SUGCT: variants seen among roughly 807,000 people sequenced by gnomAD.
SUGCT encodes the protein succinyl-CoA:glutarate CoA-transferase.
Under a neutral mutation model 55.0 loss-of-function variants are expected in SUGCT, and 41 were observed. The observed-to-expected ratio is 0.74, with a 90% CI of 0.58 to 0.97. The LOEUF is 0.97. Among genes scored for constraint, SUGCT ranks in the 50% least tolerant of loss-of-function variants. The pLI, the probability that SUGCT is intolerant of heterozygous loss-of-function variation, is 0.00. For synonymous variants in SUGCT, 187 were observed against 200.4 expected (o/e 0.93, Z 0.56); for missense variants, 568 against 547.8 (o/e 1.04, Z -0.37).
intron 6 of SUGCT, among the ~76,000 whole-genome samples, chr7:40,230,632 G>C (rs1010757659): frequency 6.6e-6 from 1 of 152,146 alleles, no homozygotes; most frequent in African/African-American, 2.4e-5. Flanking sequence ...TAGAGTCCAG[G>C]ATGGCCCTTA....
intron 12 of SUGCT, among the ~76,000 whole-genome samples, chr7:40,569,009 G>A (rs1796295154): frequency 6.6e-6 from 1 of 152,154 alleles, no homozygotes; most frequent in Admixed American, 6.5e-5. Context: ...TTTAAGGATT[G>A]TTTCAAAGGT....
the SUGCT span, among the ~76,000 whole-genome samples, chr7:40,947,426 G>A: frequency 2.0e-5 from 3 of 150,464 alleles, no homozygotes; most frequent in Non-Finnish European, 3.0e-5. Flanking sequence ...TTTATAGTAA[G>A]TCCAGTGTCT....
chr7:40,542,872 G>T (rs1289469005), intron 12 of SUGCT, among the ~76,000 whole-genome samples: 1 of 152,104 alleles, frequency 6.6e-6, no homozygotes, highest in African/African-American at 2.4e-5. Context: ...GGGGGAAATG[G>T]CCATATCTAT....
At chr7:40,865,654 C>T (rs1794564870), downstream of SUGCT, among the ~76,000 whole-genome samples, 1 of 152,146 alleles carries the variant, frequency 6.6e-6, no homozygotes, top group Non-Finnish European at 1.5e-5. Flanking sequence ...AGAGGAAGTT[C>T]CATTAGGGCA....
chr7:40,595,080 T>G (rs758469616), intron 12 of SUGCT, among the ~76,000 whole-genome samples: 4 of 152,188 alleles, frequency 2.6e-5, no homozygotes, highest in Non-Finnish European at 5.9e-5. Flanking sequence ...TATTTAATAT[T>G]CTAAGTAAGA....
the SUGCT span, among the ~76,000 whole-genome samples, chr7:41,012,057 A>C: frequency 4.1e-4 from 62 of 152,260 alleles, no homozygotes; most frequent in African/African-American, 1.5e-3. Context: ...TGGAAGCCAA[A>C]TGGAGACAGT....
At chr7:40,802,119 A>G (rs544038040) in intron 13 of SUGCT, among the ~76,000 whole-genome samples, 1 of 152,350 alleles carries the variant, frequency 6.6e-6, no homozygotes, top group Non-Finnish European at 1.5e-5. Flanking sequence ...AAGAGGAAAC[A>G]GTGAAATTTT....
At chr7:40,953,230 C>T in the SUGCT span, among the ~76,000 whole-genome samples, 627 of 152,304 alleles carry the variant, frequency 4.1e-3, 2 homozygotes, top group African/African-American at 0.013. Context: ...ACCCTTTCTT[C>T]CAGTTGATCG....
chr7:40,556,359 C>T (rs2151650789), intron 12 of SUGCT, among the ~76,000 whole-genome samples: 1 of 151,076 alleles, frequency 6.6e-6, no homozygotes, highest in Middle Eastern at 3.4e-3. Context: ...TTGAGGTGGA[C>T]ACACTACAGC....
At chr7:40,328,269 T>C (rs1255680824) in intron 9 of SUGCT, among the ~76,000 whole-genome samples, 1 of 152,204 alleles carries the variant, frequency 6.6e-6, no homozygotes, top group African/African-American at 2.4e-5. Flanking sequence ...AATAAATCCT[T>C]TGGTCGCATA....
At chr7:40,708,121 C>T (rs1188319431) in intron 12 of SUGCT, among the ~76,000 whole-genome samples, 2 of 152,198 alleles carry the variant, frequency 1.3e-5, no homozygotes, top group South Asian at 2.1e-4. Flanking sequence ...CATGTCTCCA[C>T]AGCACCATTT....
chr7:40,792,504 G>A (rs1050095911), intron 13 of SUGCT, among the ~76,000 whole-genome samples: 8 of 152,068 alleles, frequency 5.3e-5, no homozygotes, highest in Admixed American at 2.0e-4. Context: ...TTCTGATTCC[G>A]TATTGACCAG....
chr7:40,895,670 A>T, the SUGCT span, among the ~76,000 whole-genome samples: 1 of 152,202 alleles, frequency 6.6e-6, no homozygotes, highest in Non-Finnish European at 1.5e-5. Flanking sequence ...ACCTCAACAC[A>T]TTAGACATAA....
intron 9 of SUGCT, among the ~76,000 whole-genome samples, chr7:40,395,264 G>A (rs941082162): frequency 1.3e-5 from 2 of 151,932 alleles, no homozygotes; most frequent in African/African-American, 4.8e-5. Flanking sequence ...TGAGGCAGGC[G>A]GATTGCCTGA....
At chr7:40,709,398 A>G (rs1437597265) in intron 12 of SUGCT, among the ~76,000 whole-genome samples, 1 of 152,246 alleles carries the variant, frequency 6.6e-6, no homozygotes, top group Non-Finnish European at 1.5e-5. Context: ...AAAATCCTGT[A>G]AGAGAGTGAG....
intron 12 of SUGCT, among the ~76,000 whole-genome samples, chr7:40,682,473 T>C (rs1784295491): frequency 6.6e-6 from 1 of 152,254 alleles, no homozygotes; most frequent in Non-Finnish European, 1.5e-5. Flanking sequence ...GGAAGCAGTA[T>C]TGTGGGACTG....
the SUGCT span, among the ~76,000 whole-genome samples, chr7:40,997,909 T>G: frequency 6.6e-6 from 1 of 152,110 alleles, no homozygotes; most frequent in African/African-American, 2.4e-5. Flanking sequence ...GTAGACTGTT[T>G]CCTCTAAGGG....
intron 7 of SUGCT, among the ~76,000 whole-genome samples, chr7:40,243,597 G>A (rs2150900856): frequency 1.3e-5 from 2 of 152,130 alleles, no homozygotes; most frequent in African/African-American, 4.8e-5. Context: ...GTCTGTCTGT[G>A]TGTGTTTGTG....
At chr7:40,945,705 A>G in the SUGCT span, among the ~76,000 whole-genome samples, 1 of 152,074 alleles carries the variant, frequency 6.6e-6, no homozygotes, top group Non-Finnish European at 1.5e-5. Context: ...CATGTGGATT[A>G]TTTGTTCCCA....
Sources: allele counts gnomAD v4.1 joint callset (sites outside exome capture counted in the v4.1 genomes callset), GRCh38; gene constraint gnomAD v4.1.1; transcripts MANE v1.5; gene names NCBI Gene and HGNC (gene_info 2026-07-23, HGNC 2026-07-21).